The following PCDH7 variants were observed in gnomAD, a reference collection of about 807,000 sequenced individuals.
The protein encoded by PCDH7 is protocadherin-7.
A neutral mutation model predicts 58.9 loss-of-function variants in PCDH7; 17 were observed. The observed-to-expected ratio is 0.29, with a 90% CI of 0.20 to 0.43. The LOEUF (loss-of-function observed/expected upper bound fraction) is 0.43. Ranked by LOEUF, PCDH7 falls within the 20% of genes least tolerant of loss-of-function variation. The pLI, the probability that PCDH7 is intolerant of heterozygous loss-of-function variation, is 1.00. For synonymous variants in PCDH7, 664 were observed against 616.4 expected, an observed-to-expected ratio of 1.08 and a Z score of -1.14; for missense variants, 1,274 against 1,441.0, an observed-to-expected ratio of 0.88 and a Z score of 1.88.
At chr4:31,032,975 CTTTTT>C (rs560779139) in intron 3 of PCDH7, among the ~76,000 whole-genome samples, 2 of 151,200 alleles carry the variant, frequency 1.3e-5, no homozygotes, top group East Asian at 3.9e-4. Context: ...GTGTTTATGA[CTTTTT>C]TTTTGTAATT....
chr4:30,805,982 A>G (rs796706962), intron 1 of PCDH7, among the ~76,000 whole-genome samples: 62 of 152,320 alleles, frequency 4.1e-4, no homozygotes, highest in African/African-American at 1.4e-3. Flanking sequence ...AGAATATTGC[A>G]TTGTACTTAC....
chr4:30,778,511 T>G lies in PCDH7; in HGVS notation c.70+53915T>G, dbSNP rs770194887. On this transcript the variant is annotated intron_variant, in intron 1 of 3. Transcript: ENST00000509759. The stretch of plus-strand genomic sequence containing the variant: ...AAGCTTGACTTAAAGTAACTTTGAT[T>G]ATATTTTATGATTTTTTTCAAACTC... Among the ~76,000 whole-genome samples, 25 of 152,158 alleles carry G rather than the reference T, an allele frequency of 1.6e-4. 1 individual carries two copies. The highest frequency in any genetic ancestry group is 6.5e-5 in the Admixed American group (1 of 15,278).
chr4:30,835,188 C>G (rs1223555601), intron 1 of PCDH7, among the ~76,000 whole-genome samples: 1 of 152,004 alleles, frequency 6.6e-6, no homozygotes, highest in Non-Finnish European at 1.5e-5. Context: ...TTCCCGGGAG[C>G]GCAGAGTCAG....
intron 1 of PCDH7, among the ~76,000 whole-genome samples, chr4:30,858,120 A>G (rs189325122): frequency 2.8e-4 from 43 of 152,322 alleles, no homozygotes; most frequent in Admixed American, 2.4e-3. Flanking sequence ...ACATTGATTC[A>G]TATGGCCATA....
At chr4:31,012,892 C>A (rs763198508) in intron 3 of PCDH7, among the ~76,000 whole-genome samples, 1 of 150,238 alleles carries the variant, frequency 6.7e-6, no homozygotes, top group Admixed American at 6.6e-5. Context: ...TGGCTGTGGT[C>A]CCAGATACTC....
chr4:30,967,387 A>G (rs1749088917), intron 3 of PCDH7, among the ~76,000 whole-genome samples: 1 of 152,142 alleles, frequency 6.6e-6, no homozygotes, highest in Non-Finnish European at 1.5e-5. Flanking sequence ...GAATCAAGCA[A>G]TTCTCGTGGT....
At chr4:30,887,917 C>T (rs1225365521) in intron 1 of PCDH7, among the ~76,000 whole-genome samples, 1 of 148,976 alleles carries the variant, frequency 6.7e-6, no homozygotes, top group East Asian at 2.0e-4. Flanking sequence ...GCTATGTTGT[C>T]CAGGCTGGAG....
chr4:30,853,213 T>C (rs1315573660), intron 1 of PCDH7, among the ~76,000 whole-genome samples: 1 of 152,148 alleles, frequency 6.6e-6, no homozygotes, highest in Non-Finnish European at 1.5e-5. Context: ...CCATCCCTCT[T>C]AACTGTGTGA....
chr4:31,095,444 G>A (rs1189895984), intron 3 of PCDH7, among the ~76,000 whole-genome samples: 1 of 152,014 alleles, frequency 6.6e-6, no homozygotes, highest in Non-Finnish European at 1.5e-5. Flanking sequence ...CAGGCCCTTG[G>A]AGGAAATCTA....
At chr4:31,066,676 A>G (rs1437024728) in intron 3 of PCDH7, among the ~76,000 whole-genome samples, 1 of 151,898 alleles carries the variant, frequency 6.6e-6, no homozygotes, top group Non-Finnish European at 1.5e-5. Context: ...CTTGATTTTA[A>G]ATAGGGTTTA....
chr4:30,898,215 T>C lies in PCDH7; in HGVS notation c.71-21938T>C, dbSNP rs532056664. Among the ~76,000 whole-genome samples, 9 of 152,258 alleles carry C rather than the reference T, an allele frequency of 5.9e-5. No homozygotes were observed. The South Asian group carries it at 1.2e-3, about 21-fold the overall frequency. On this transcript the variant is annotated intron_variant, in intron 1 of 3. Transcript: ENST00000509759. ...ATTTGAGGGGCCTTTATTTTTTTAT[T>C]TGTGGTTGTTGTTGACTTGAACTCT...
intron 3 of PCDH7, among the ~76,000 whole-genome samples, chr4:30,963,337 T>C (rs1252713063): frequency 6.6e-6 from 1 of 152,214 alleles, no homozygotes; most frequent in Non-Finnish European, 1.5e-5. Context: ...ATCTTCTCAG[T>C]GTCTGTATAC....
intron 1 of PCDH7, among the ~76,000 whole-genome samples, chr4:30,901,436 T>C (rs568795547): frequency 4.6e-5 from 7 of 152,294 alleles, no homozygotes; most frequent in Admixed American, 4.6e-4. Context: ...GAGTAGATTT[T>C]TCAACCTTGC....
chr4:30,872,697 G>C (rs896383273), intron 1 of PCDH7, among the ~76,000 whole-genome samples: 1 of 152,070 alleles, frequency 6.6e-6, no homozygotes, highest in Admixed American at 6.6e-5. Flanking sequence ...GCTCATTGTA[G>C]GCATTCATAT....
At chr4:31,023,628 G>A (rs760934201) in intron 3 of PCDH7, among the ~76,000 whole-genome samples, 1 of 152,142 alleles carries the variant, frequency 6.6e-6, no homozygotes, top group Non-Finnish European at 1.5e-5. Flanking sequence ...GATCTGACAT[G>A]ACTATTCATT....
intron 1 of PCDH7, among the ~76,000 whole-genome samples, chr4:30,847,970 A>G (rs141293163): frequency 4.6e-5 from 7 of 152,246 alleles, no homozygotes; most frequent in Non-Finnish European, 1.0e-4. Flanking sequence ...AAAAGTCTAA[A>G]CTTTTTCATT....
chr4:30,794,107 A>G (rs1283492328), intron 1 of PCDH7: 1 of 152,166 alleles, frequency 6.6e-6, no homozygotes, highest in Non-Finnish European at 1.5e-5. Context: ...ATCATGTGAG[A>G]TAGAAGTTTC....
intron 1 of PCDH7, among the ~76,000 whole-genome samples, chr4:30,877,941 G>A (rs918329242): frequency 1.3e-5 from 2 of 151,984 alleles, no homozygotes; most frequent in South Asian, 2.1e-4. Context: ...ATTTTATTTT[G>A]TTTATAGCAA....
intron 1 of PCDH7, among the ~76,000 whole-genome samples, chr4:30,793,073 T>C (rs28716204): frequency 0.62 from 94,888 of 152,060 alleles, 32,002 homozygotes; most frequent in African/African-American, 0.9. Flanking sequence ...AAATTTATCA[T>C]GTGGGCCTTT....
Sources: gnomAD v4.1 joint callset for allele counts (sites outside exome capture counted in the v4.1 genomes callset) on GRCh38, gnomAD v4.1.1 for gene constraint, MANE v1.5 for transcripts, NCBI Gene and HGNC (gene_info 2026-07-23, HGNC 2026-07-21) for gene names.